The following SLC12A7 variants were observed in gnomAD, a reference collection of about 807,000 sequenced individuals.
SLC12A7 encodes solute carrier family 12 member 7.
In SLC12A7, 100 loss-of-function variants were observed where a neutral mutation model predicts 120.6. The observed-to-expected ratio is 0.83, with a 90% CI of 0.71 to 0.98. The LOEUF is 0.98. Ranked by LOEUF, SLC12A7 falls within the 50% of genes least tolerant of loss-of-function variation. The pLI is 0.00. For missense variants in SLC12A7, 1,373 were observed against 1,548.1 expected (o/e 0.89, Z 1.90); for synonymous variants, 760 against 678.0 (o/e 1.12, Z -1.88).
rs1193390085 is a variant in SLC12A7, at chr5:1,074,563, T to C, written c.2072+4A>G. On this transcript the variant is annotated splice_donor_region_variant and intron_variant, in intron 16 of 23. Coordinates refer to ENST00000264930, the MANE Select transcript of SLC12A7 (RefSeq NM_006598.3). ...GAGGACCACGGGGCATGGGCGGTGC[T>C]CACCTCCAGTTCTTGGTGTGGGGGG... The C allele has an allele frequency of 1.2e-6, 2 of 1,610,454 alleles. No homozygotes were observed. Among genetic ancestry groups the C allele is most frequent in the East Asian group, 2.2e-5 (1 of 44,792 alleles).
intron 1 of SLC12A7, among the ~76,000 whole-genome samples, chr5:1,109,449 G>C (rs910690909): frequency 6.6e-6 from 1 of 152,140 alleles, no homozygotes; most frequent in Non-Finnish European, 1.5e-5. Flanking sequence ...ATTTCAAGAC[G>C]AGGTATTTCA....
upstream of SLC12A7, among the ~76,000 whole-genome samples, chr5:1,114,922 C>T (rs1579456103): frequency 6.6e-6 from 1 of 152,184 alleles, no homozygotes; most frequent in South Asian, 2.1e-4. Flanking sequence ...TCATCTTGTC[C>T]GTCTGGCCAT....
At position 1,060,959 on chromosome 5, in the gene SLC12A7, A is replaced by G. The variant is rs1736127174; in HGVS notation, c.2740-508T>C. ...CCCCTGCGCCTCACCCGGAACATCC[A>G]CAGTGTGGGACTGCTGCGTCTCACC... On this transcript the variant is annotated intron_variant, in intron 20 of 23. Coordinates refer to ENST00000264930, the MANE Select transcript of SLC12A7 (RefSeq NM_006598.3). Among the ~76,000 whole-genome samples the G allele has an allele frequency of 4.7e-5, 7 of 150,440 alleles. 1 individual carries two copies. The South Asian group carries it at 1.5e-3, about 32-fold the overall frequency.
chr5:1,119,436 C>T, the SLC12A7 span, among the ~76,000 whole-genome samples: 9 of 152,216 alleles, frequency 5.9e-5, no homozygotes, highest in Non-Finnish European at 1.0e-4. Flanking sequence ...GCCGCAGGCA[C>T]GCACACATCC....
At chr5:1,107,787 T>G (rs1226534392) in intron 1 of SLC12A7, among the ~76,000 whole-genome samples, 1 of 152,152 alleles carries the variant, frequency 6.6e-6, no homozygotes, top group African/African-American at 2.4e-5. Context: ...TGGGGAGCTT[T>G]GCAGAAGAGG....
chr5:1,085,489 C>T lies in SLC12A7; in HGVS notation c.676-16G>A, dbSNP rs11133624. On this transcript the variant is annotated splice_polypyrimidine_tract_variant and intron_variant, in intron 6 of 23. Transcript: ENST00000264930. ...AGATGTACGTCTGTGGGAACAAGGC[C>T]GGTCGGGAGGCCGTCCCCGGACACA... 1.3e-5 allele frequency: 21 copies of T among 1,586,266 alleles called. No individual in the cohort carries two copies. Among genetic ancestry groups the T allele is most frequent in the African/African-American group, 1.2e-4 (9 of 74,420 alleles).
intron 20 of SLC12A7, 82 bp from the exon 21 acceptor site, chr5:1,060,533 C>T (rs947265680): frequency 3.7e-5 from 40 of 1,072,796 alleles, no homozygotes; most frequent in African/African-American, 1.4e-4. Context: ...ACCCAGAGAC[C>T]GAGCCGCCCT....
At position 1,076,084 on chromosome 5, in the gene SLC12A7, G is replaced by A; in HGVS notation, c.1847+54C>T. 3.4e-6 allele frequency: 5 copies of A among 1,460,768 alleles called. No individual in the cohort carries two copies. The Middle Eastern group carries it at 5.5e-4, about 159-fold the overall frequency. 90.5% of individuals were successfully genotyped at this position (1,460,768 alleles called of 1,614,324 possible). A position where few individuals can be genotyped will look rare whatever the true frequency, so the allele number is the denominator to read the frequency against. Reference sequence around the variant, plus strand: ...CTGAGCGGCCTCACCAGTGGCAGAGGCACCCAGTGTCCCAGCCTGTGGGGC... The same window carrying A: ...CTGAGCGGCCTCACCAGTGGCAGAGACACCCAGTGTCCCAGCCTGTGGGGC... On this transcript the variant is annotated intron_variant, in intron 14 of 23. Coordinates refer to ENST00000264930, the MANE Select transcript of SLC12A7 (RefSeq NM_006598.3).
rs746246093 is a variant in SLC12A7, at chr5:1,076,834, G to T, written c.1630-22C>A. On this transcript the variant is annotated intron_variant, in intron 12 of 23. Coordinates refer to ENST00000264930, the MANE Select transcript of SLC12A7 (RefSeq NM_006598.3). ...ACACCTGCAGGGAGAAGGGCAGGAAGATGGGGCAGATGACACCACCCTTTT... is the reference window on the plus strand; with the variant it reads ...ACACCTGCAGGGAGAAGGGCAGGAATATGGGGCAGATGACACCACCCTTTT... The T allele has an allele frequency of 3.1e-5, 47 of 1,498,534 alleles. No individual in the cohort carries two copies. In the South Asian group the frequency reaches 4.9e-4, roughly 16 times the overall value. The allele number at this position is 1,498,534 out of a possible 1,614,324, so 92.8% of individuals were successfully genotyped here.
At chr5:1,154,066 G>T in the SLC12A7 span, among the ~76,000 whole-genome samples, 1 of 150,968 alleles carries the variant, frequency 6.6e-6, no homozygotes, top group South Asian at 2.1e-4. Flanking sequence ...AACCCTAACC[G>T]AGAATAACAA....
chr5:1,073,404 CGCCCTTGGAAAGCTAATG>C (rs1395764421), intron 17 of SLC12A7, among the ~76,000 whole-genome samples: 2 of 152,214 alleles, frequency 1.3e-5, no homozygotes, highest in Non-Finnish European at 2.9e-5. Context: ...TCCCAGGGTT[CGCCCTTGGAAAGCTAATG>C]GCCCTCACAC....
rs115491000 is a variant in SLC12A7 at position 1,094,489 on chromosome 5, A to C, written c.125-241T>G. ...ACATGCTAGCCCCAATGCGCAAGCT[A>C]TCCCCAGAACACAAGCTATCCCTAG... On this transcript the variant is annotated intron_variant, in intron 1 of 23. Coordinates refer to ENST00000264930, the MANE Select transcript of SLC12A7 (RefSeq NM_006598.3). Among the ~76,000 whole-genome samples, 699 of 152,266 alleles carry C rather than the reference A, an allele frequency of 4.6e-3. 8 individuals are homozygous for C. The highest frequency in any genetic ancestry group is 0.016 in the African/African-American group (661 of 41,536).
At position 1,065,394 on chromosome 5, in the gene SLC12A7, GGGACATGCCATCCCGCAGGCT is replaced by G. The variant is rs913522827; in HGVS notation, c.2305_2325del (p.Ser769_Ser775del). ...CCCAGGCCGGCCGACTGGATCAGGT[GGGACATGCCATCCCGCAGGCT>G]GGACGAGACCACCAGCTGGCAGAAG... On this transcript the variant is annotated inframe_deletion, in exon 18 of 24. Transcript: ENST00000264930. The G allele has an allele frequency of 1.2e-6, 2 of 1,612,590 alleles. No individual in the cohort carries two copies. The highest frequency in any genetic ancestry group is 1.7e-6 in the Non-Finnish European group (2 of 1,179,694).
chr5:1,057,472 G>T lies in SLC12A7; in HGVS notation c.3025C>A (p.Pro1009Thr). Residue 1009 changes from proline (P) to threonine (T), a missense_variant and splice_region_variant, in exon 22 of 24, where the codon CCG becomes ACG. Coordinates refer to ENST00000264930, the MANE Select transcript of SLC12A7 (RefSeq NM_006598.3). Reference protein sequence around the residue: ...SGFKDLFSMKPDQSNVRRMHT... With the variant: ...SGFKDLFSMKTDQSNVRRMHT... ...CAGGCCACACGCACGGACACTCACG[G>T]CTTCATGCTGAAGAGGTCTTTGAAA... 6.2e-7 allele frequency: 1 copy of T among 1,609,576 alleles called. No individual in the cohort carries two copies.
Position 1,052,412 on chromosome 5 carries a change from CT to C in SLC12A7, c.3199del (p.Arg1067GlufsTer12), listed in dbSNP as rs770736508. 1 of 1,612,946 alleles carries C rather than the reference CT, an allele frequency of 6.2e-7. No homozygotes were observed. The highest frequency in any genetic ancestry group is 1.1e-5 in the South Asian group (1 of 91,086). On this transcript the variant is annotated frameshift_variant, in exon 24 of 24. Transcript: ENST00000264930. LOFTEE classifies it high-confidence loss of function. ...GCCGCCACCCCTGACCAGGAGGACT[CT>C]GTTCAGCCCCTCGGTCAGGACTTCA... ...FLEVLTEGLN[R>X]VLLVRGGGRE...
chr5:1,136,858 G>T, the SLC12A7 span, among the ~76,000 whole-genome samples: 1 of 128,578 alleles, frequency 7.8e-6, no homozygotes, highest in African/African-American at 3.2e-5. Flanking sequence ...CAAACAGCAG[G>T]ACACGCAGGC....
In SLC12A7 at chr5:1,050,751, C is replaced by G. The variant is rs1734954514; in HGVS notation, c.*1609G>C. 5 of 397,830 alleles carry G rather than the reference C, an allele frequency of 1.3e-5. No homozygotes were observed. In the East Asian group the frequency reaches 1.8e-4, roughly 14 times the overall value. 24.6% of individuals were successfully genotyped at this position (397,830 alleles called of 1,614,324 possible). A position where few individuals can be genotyped will look rare whatever the true frequency, so the allele number is the denominator to read the frequency against. On this transcript the variant is annotated 3_prime_UTR_variant, in exon 24 of 24. Coordinates refer to ENST00000264930, the MANE Select transcript of SLC12A7 (RefSeq NM_006598.3). Reference sequence around the variant, plus strand: ...GGAGCGTTTTGCTGCTTAACTCATGCTTAGCCAAGGCAGGCAGAGGCTGTG... The same window carrying G: ...GGAGCGTTTTGCTGCTTAACTCATGGTTAGCCAAGGCAGGCAGAGGCTGTG...
chr5:1,096,909 G>A (rs924866959), intron 1 of SLC12A7, among the ~76,000 whole-genome samples: 1 of 149,398 alleles, frequency 6.7e-6, no homozygotes, highest in Non-Finnish European at 1.5e-5. Context: ...AGGGAGGAAG[G>A]GAGGGAAGGA....
At chr5:1,088,483 T>C in intron 4 of SLC12A7, 123 bp from the exon 5 acceptor site, 2 of 1,030,474 alleles carry the variant, frequency 1.9e-6, no homozygotes, top group Non-Finnish European at 2.9e-6. Flanking sequence ...TCCAGGGCTC[T>C]CCATCTCAAT....
Sources: allele counts gnomAD v4.1 joint callset (sites outside exome capture counted in the v4.1 genomes callset), GRCh38; gene constraint gnomAD v4.1.1; transcripts MANE v1.5; gene names NCBI Gene and HGNC (gene_info 2026-07-23, HGNC 2026-07-21).